Variants in LRRC49 observed in about 807,000 individuals in gnomAD.
LRRC49 encodes leucine rich repeat containing 49, also known as leucine-rich repeat-containing protein 49.
LRRC49 carries 50 observed loss-of-function variants against 83.3 expected under a neutral mutation model. The observed-to-expected ratio is 0.60, with a 90% CI of 0.48 to 0.76. The LOEUF (loss-of-function observed/expected upper bound fraction) is 0.76, where lower values mean the gene tolerates loss of function less well. Ranked by LOEUF, LRRC49 falls within the 30% of genes least tolerant of loss-of-function variation. LRRC49 has a pLI of 0.00. For missense variants in LRRC49, 704 were observed against 809.1 expected (o/e 0.87, Z 1.58); for synonymous variants, 286 against 283.3 (o/e 1.01, Z -0.10).
intron 8 of LRRC49, among the ~76,000 whole-genome samples, chr15:70,945,435 C>T (rs1056956532): frequency 1.3e-5 from 2 of 151,722 alleles, no homozygotes; most frequent in Non-Finnish European, 2.9e-5. Flanking sequence ...GATTGTATAT[C>T]ATCTCTGCCA....
intron 11 of LRRC49, among the ~76,000 whole-genome samples, chr15:70,993,313 T>G (rs144110960): frequency 6.6e-6 from 1 of 152,242 alleles, no homozygotes; most frequent in Non-Finnish European, 1.5e-5. Flanking sequence ...GGGAATTCCC[T>G]GACCCTTTGC....
chr15:70,909,839 AACAC>A lies in LRRC49; in HGVS notation c.501-1657_501-1654del, dbSNP rs146189261. ...GGTGACAGGGCGAGACTCCATCTCA[AACAC>A]ACACACACACACACACACACACACA... On this transcript the variant is annotated intron_variant, in intron 5 of 15. Transcript: ENST00000260382. Among the ~76,000 whole-genome samples the A allele has an allele frequency of 8.4e-4, 114 of 136,144 alleles. 1 individual carries two copies. Among genetic ancestry groups the A allele is most frequent in the East Asian group, 1.7e-3 (8 of 4,670 alleles). The allele number at this position is 136,144 out of a possible 152,430, so 89.3% of individuals were successfully genotyped here.
chr15:70,958,129 T>A (rs990734755), intron 8 of LRRC49, among the ~76,000 whole-genome samples: 5 of 152,166 alleles, frequency 3.3e-5, no homozygotes, highest in African/African-American at 1.2e-4. Flanking sequence ...TAAACTTCCA[T>A]AGAACATCTC....
intron 8 of LRRC49, among the ~76,000 whole-genome samples, chr15:70,959,696 C>T (rs12915573): frequency 6.6e-6 from 1 of 151,276 alleles, no homozygotes; most frequent in Non-Finnish European, 1.5e-5. Flanking sequence ...GAAAGAAAAT[C>T]CCAATCAAAA....
intron 11 of LRRC49, among the ~76,000 whole-genome samples, chr15:71,000,981 T>G (rs2141251193): frequency 6.6e-6 from 1 of 152,284 alleles, no homozygotes; most frequent in Middle Eastern, 3.4e-3. Flanking sequence ...CGTACATGCC[T>G]TTGACTTTAA....
At chr15:70,932,489 T>A (rs879620689) in intron 7 of LRRC49, among the ~76,000 whole-genome samples, 5 of 152,190 alleles carry the variant, frequency 3.3e-5, no homozygotes, top group Admixed American at 6.5e-5. Flanking sequence ...TACTCTAACT[T>A]GTTTTGTATG....
At chr15:70,992,100 A>G (rs1009839812) in intron 11 of LRRC49, among the ~76,000 whole-genome samples, 10 of 152,230 alleles carry the variant, frequency 6.6e-5, no homozygotes, top group African/African-American at 2.4e-4. Flanking sequence ...AGTTGATTGA[A>G]TTGGCTGCTG....
intron 9 of LRRC49, among the ~76,000 whole-genome samples, chr15:70,967,093 T>C (rs1262204216): frequency 6.6e-6 from 1 of 152,076 alleles, no homozygotes; most frequent in Non-Finnish European, 1.5e-5. Context: ...AGAAGGAGGA[T>C]GTATTTGTGG....
At chr15:70,939,681 A>G (rs1233864256) in intron 8 of LRRC49, among the ~76,000 whole-genome samples, 1 of 152,100 alleles carries the variant, frequency 6.6e-6, no homozygotes, top group Non-Finnish European at 1.5e-5. Context: ...GACAAAAATA[A>G]TGTTGCTTTT....
At chr15:70,982,146 A>T (rs886194340) in intron 10 of LRRC49, among the ~76,000 whole-genome samples, 5 of 152,158 alleles carry the variant, frequency 3.3e-5, no homozygotes, top group African/African-American at 1.2e-4. Context: ...AGATTATCTT[A>T]TTATAAATTT....
intron 8 of LRRC49, among the ~76,000 whole-genome samples, chr15:70,949,853 T>G (rs531404081): frequency 2.5e-4 from 38 of 152,268 alleles, no homozygotes; most frequent in Admixed American, 2.4e-3. Flanking sequence ...ATATGCGGGT[T>G]TGTTACATGG....
At chr15:70,883,485 C>T (rs954471716) in intron 2 of LRRC49, among the ~76,000 whole-genome samples, 5 of 151,522 alleles carry the variant, frequency 3.3e-5, no homozygotes, top group Non-Finnish European at 4.4e-5. Flanking sequence ...TGAGGCACCT[C>T]GCCCAACCAA....
chr15:70,891,961 G>A (rs1157210725), upstream of LRRC49: 2 of 1,613,612 alleles, frequency 1.2e-6, no homozygotes, highest in Non-Finnish European at 1.7e-6. Context: ...GGCCTGCTTG[G>A]TCTCCCTCCT....
In LRRC49 at chr15:71,008,402, A is replaced by G. The variant is rs2038535056; in HGVS notation, c.1193A>G (p.Asn398Ser). ...AGGCCTCTAGACTCAGGACTCAACA[A>G]TGCTTTACAAGGTTTATCTGTCATA... ...ETGPLDSGLNNALQGLSVIDT... is the reference protein window; with the variant it reads ...ETGPLDSGLNSALQGLSVIDT... The change falls in exon 12 of 16, where the codon AAT (asparagine) becomes AGT (serine). Residue 398 changes from asparagine to serine, a missense_variant. Physicochemically the swap from Asn to Ser is conservative, Grantham distance 46 (BLOSUM62 1). This residue lies in a region of LRRC49 where 168 missense variants were observed against 140.6 expected (regional missense o/e 1.20). Coordinates refer to ENST00000260382, the MANE Select transcript of LRRC49 (RefSeq NM_017691.5). 6.2e-7 allele frequency: 1 copy of G among 1,612,496 alleles called. No individual in the cohort carries two copies. Among genetic ancestry groups the G allele is most frequent in the Admixed American group, 1.7e-5 (1 of 59,916 alleles).
intron 9 of LRRC49, among the ~76,000 whole-genome samples, chr15:70,973,818 T>G (rs1475234618): frequency 6.6e-6 from 1 of 152,118 alleles, no homozygotes; most frequent in African/African-American, 2.4e-5. Flanking sequence ...TGAAATAAAT[T>G]TAAATTGCAT....
At chr15:70,859,237 C>T in intron 1 of LRRC49, 2 of 1,215,342 alleles carry the variant, frequency 1.6e-6, no homozygotes, top group South Asian at 1.2e-5. Flanking sequence ...TGGAGGACTT[C>T]AAGAACAAAT....
At position 70,919,237 on chromosome 15, in the gene LRRC49, T is replaced by C. The variant is rs368270867; in HGVS notation, c.711+44T>C. 2.9e-4 allele frequency: 432 copies of C among 1,506,760 alleles called. 4 individuals carry two copies. Among genetic ancestry groups the C allele is most frequent in the Non-Finnish European group, 6.7e-5 (75 of 1,119,458 alleles). 93.3% of individuals were successfully genotyped at this position (1,506,760 alleles called of 1,614,324 possible). A position where few individuals can be genotyped will look rare whatever the true frequency, so the allele number is the denominator to read the frequency against. The stretch of plus-strand genomic sequence containing the variant: ...TTGATATGTACTTTGTGGCTTTCTT[T>C]CAAGGAATTGAAACAAATGTTGTAA... On this transcript the variant is annotated intron_variant, in intron 7 of 15. Coordinates refer to ENST00000260382, the MANE Select transcript of LRRC49 (RefSeq NM_017691.5).
intron 11 of LRRC49, 61 bp downstream of exon 11, chr15:70,984,318 TTA>T: frequency 7.3e-7 from 1 of 1,374,096 alleles, no homozygotes; most frequent in Non-Finnish European, 9.9e-7. Context: ...GGAGTGGGAA[TTA>T]GAAACCATTT....
chr15:71,008,760 G>T, intron 12 of LRRC49, 144 bp downstream of exon 12: 1 of 595,312 alleles, frequency 1.7e-6, no homozygotes, highest in South Asian at 2.4e-5. Flanking sequence ...CTTGAGCTAG[G>T]ATTTAAATTA....
Sources: allele counts gnomAD v4.1 joint callset (sites outside exome capture counted in the v4.1 genomes callset), GRCh38; gene constraint gnomAD v4.1.1; regional missense constraint gnomAD v4.1.1; transcripts MANE v1.5; gene names NCBI Gene and HGNC (gene_info 2026-07-23, HGNC 2026-07-21).